The following NAMPT variants were observed in gnomAD, a reference collection of about 807,000 sequenced individuals.
The protein encoded by NAMPT is NAmPRTase.
A neutral mutation model predicts 58.7 loss-of-function variants in NAMPT; 7 were observed. The observed-to-expected ratio is 0.12, with a 90% CI of 0.07 to 0.22. The LOEUF (loss-of-function observed/expected upper bound fraction) is 0.22, where lower values mean the gene tolerates loss of function less well. NAMPT is among the 10% of genes least tolerant of loss of function. NAMPT has a pLI of 1.00. For missense variants in NAMPT, 271 were observed against 567.9 expected (o/e 0.48, Z 5.31); for synonymous variants, 145 against 198.1 (o/e 0.73, Z 2.25).
intron 8 of NAMPT, among the ~76,000 whole-genome samples, chr7:106,255,344 C>T (rs1266131682): frequency 1.3e-5 from 2 of 151,910 alleles, no homozygotes; most frequent in Non-Finnish European, 2.9e-5. Flanking sequence ...CCATTTATTT[C>T]ATGAGAATAG....
At chr7:106,273,981 C>T (rs1056309957) in intron 3 of NAMPT, among the ~76,000 whole-genome samples, 8 of 151,706 alleles carry the variant, frequency 5.3e-5, no homozygotes, top group Non-Finnish European at 8.8e-5. Context: ...CATCAAGATA[C>T]GCCAACAGAT....
chr7:106,280,333 T>C (rs185741120), intron 1 of NAMPT, among the ~76,000 whole-genome samples: 44 of 152,310 alleles, frequency 2.9e-4, no homozygotes, highest in African/African-American at 9.9e-4. Context: ...GTGCCATTTA[T>C]AGAGATGGGG....
chr7:106,283,760 T>C (rs376133089), intron 1 of NAMPT, among the ~76,000 whole-genome samples: 12 of 152,082 alleles, frequency 7.9e-5, no homozygotes, highest in African/African-American at 2.2e-4. Context: ...CATTTTAAGC[T>C]GATTGGAAAA....
At chr7:106,254,213 T>C in intron 9 of NAMPT, 151 bp downstream of exon 9, 2 of 762,806 alleles carry the variant, frequency 2.6e-6, no homozygotes, top group East Asian at 2.7e-5. Context: ...ATCTCCCTTC[T>C]TTCCTTGTTT....
At chr7:106,279,844 T>C (rs1266298555) in intron 1 of NAMPT, among the ~76,000 whole-genome samples, 2 of 152,078 alleles carry the variant, frequency 1.3e-5, no homozygotes, top group Admixed American at 6.5e-5. Flanking sequence ...AAGACTTCTT[T>C]GAGAAGGTGA....
At chr7:106,280,216 T>A (rs1021678049) in intron 1 of NAMPT, among the ~76,000 whole-genome samples, 1 of 152,114 alleles carries the variant, frequency 6.6e-6, no homozygotes, top group Non-Finnish European at 1.5e-5. Context: ...CCCAGTGTTT[T>A]TGGAGGTAAA....
rs1792355859 is a variant in NAMPT at position 106,263,673 on chromosome 7, G to T, written c.744-56C>A. ...TTAGGCAGACACTTGATCTATCCCT[G>T]AATCACCTTTAATCATATCTCATGT... is the stretch of plus-strand genomic sequence containing the variant. On this transcript the variant is annotated intron_variant, in intron 6 of 10. Coordinates refer to ENST00000222553, the MANE Select transcript of NAMPT (RefSeq NM_005746.3). 3.1e-6 allele frequency: 4 copies of T among 1,293,308 alleles called. No homozygotes were observed. The South Asian group carries it at 3.6e-5, about 12-fold the overall frequency. 80.1% of individuals were successfully genotyped at this position (1,293,308 alleles called of 1,614,324 possible). A position where few individuals can be genotyped will look rare whatever the true frequency, so the allele number is the denominator to read the frequency against.
At chr7:106,257,455 A>G (rs952701559) in intron 8 of NAMPT, among the ~76,000 whole-genome samples, 2 of 115,788 alleles carry the variant, frequency 1.7e-5, no homozygotes, top group African/African-American at 5.8e-5. Flanking sequence ...CCCCATCTCT[A>G]CAAAACATTA....
At chr7:106,268,701 C>G in intron 5 of NAMPT, 101 bp from the exon 6 acceptor site, 1 of 792,194 alleles carries the variant, frequency 1.3e-6, no homozygotes, top group Non-Finnish European at 2.1e-6. Flanking sequence ...GCATAGCTCC[C>G]ATAAGAATTG....
chr7:106,278,005 G>T (rs1225433686), intron 1 of NAMPT, among the ~76,000 whole-genome samples: 2 of 152,186 alleles, frequency 1.3e-5, no homozygotes, highest in African/African-American at 2.4e-5. Context: ...ATGTGTATCT[G>T]CCCAATTTCA....
intron 8 of NAMPT, 186 bp downstream of exon 8, chr7:106,261,402 G>T: frequency 2.1e-6 from 1 of 475,052 alleles, no homozygotes; most frequent in Non-Finnish European, 3.7e-6. Flanking sequence ...AGTAAGTATG[G>T]CTTGGCTGGC....
chr7:106,254,331 T>C (rs1336437386), intron 9 of NAMPT, 33 bp downstream of exon 9: 5 of 1,609,648 alleles, frequency 3.1e-6, no homozygotes, highest in East Asian at 2.2e-5. Flanking sequence ...ATAAGGAAGG[T>C]AGTAACACAG....
At chr7:106,260,161 C>A (rs1024339931) in intron 8 of NAMPT, among the ~76,000 whole-genome samples, 1 of 152,222 alleles carries the variant, frequency 6.6e-6, no homozygotes, top group African/African-American at 2.4e-5. Flanking sequence ...AAGTCCTAGA[C>A]GGCACCTTCT....
chr7:106,254,014 A>G (rs993057064), intron 9 of NAMPT, among the ~76,000 whole-genome samples: 6 of 152,242 alleles, frequency 3.9e-5, no homozygotes, highest in Non-Finnish European at 7.4e-5. Context: ...CAGTGATTAT[A>G]TACTTGCTTG....
chr7:106,285,042 G>A (rs998246800), upstream of NAMPT: 124 of 1,367,228 alleles, frequency 9.1e-5, no homozygotes, highest in Non-Finnish European at 1.2e-4. Context: ...GGTCAGAGGA[G>A]GGCGGGCCCG....
At chr7:106,255,416 G>GA (rs1269227240) in intron 8 of NAMPT, among the ~76,000 whole-genome samples, 1 of 152,168 alleles carries the variant, frequency 6.6e-6, no homozygotes, top group Non-Finnish European at 1.5e-5. Context: ...GAAGTTATTA[G>GA]AAAATCATAA....
intron 10 of NAMPT, 28 bp downstream of exon 10, chr7:106,252,988 TA>T (rs1472904484): frequency 1.2e-6 from 2 of 1,601,610 alleles, no homozygotes; most frequent in Non-Finnish European, 1.7e-6. Flanking sequence ...TACTATTGCT[TA>T]AAAAAACCAA....
chr7:106,257,639 A>C (rs1175533837), intron 8 of NAMPT, among the ~76,000 whole-genome samples: 1 of 151,770 alleles, frequency 6.6e-6, no homozygotes, highest in East Asian at 1.9e-4. Context: ...AAAAAAAAAA[A>C]TCGCACATAC....
chr7:106,260,646 A>AATC lies in NAMPT; in HGVS notation c.1089+939_1089+941dup, dbSNP rs756236490. ...TCAGCATGCCTTCCTCACTAAACTTAATCATGTCTAGGTTTTGATTTAAAA... is the reference window on the plus strand; with the variant it reads ...TCAGCATGCCTTCCTCACTAAACTTAATCATCATGTCTAGGTTTTGATTTAAAA... On this transcript the variant is annotated intron_variant, in intron 8 of 10. Coordinates refer to ENST00000222553, the MANE Select transcript of NAMPT (RefSeq NM_005746.3). 3.9e-5 allele frequency among the ~76,000 whole-genome samples: 6 copies of AATC among 152,330 alleles called. No individual in the cohort carries two copies. In the East Asian group the frequency reaches 9.6e-4, roughly 24 times the overall value.
Sources: gnomAD v4.1 joint callset for allele counts (sites outside exome capture counted in the v4.1 genomes callset) on GRCh38, gnomAD v4.1.1 for gene constraint, MANE v1.5 for transcripts, NCBI Gene and HGNC (gene_info 2026-07-23, HGNC 2026-07-21) for gene names.